Variants in LRIG3 observed in about 807,000 individuals in gnomAD.
LRIG3 encodes leucine-rich repeats and immunoglobulin-like domains protein 3.
In LRIG3, 76 loss-of-function variants were observed where a neutral mutation model predicts 114.5. That is an observed-to-expected ratio of 0.66 (90% confidence interval 0.55 to 0.80). The LOEUF is 0.80. Ranked by LOEUF, LRIG3 falls within the 30% of genes least tolerant of loss-of-function variation. LRIG3 has a pLI of 0.00. For missense variants in LRIG3, 1,239 were observed against 1,382.8 expected (o/e 0.90, Z 1.65); for synonymous variants, 512 against 519.8 (o/e 0.98, Z 0.20).
Position 58,920,443 on chromosome 12 carries a change from G to A in LRIG3, c.-208C>T, listed in dbSNP as rs777446593. ...AGCAGGAGGGAAACCGAAAAGAACT[G>A]CCAACTGCAACAGAGTTGCAGCTTG... is the stretch of plus-strand genomic sequence containing the variant. On this transcript the variant is annotated 5_prime_UTR_variant, in exon 1 of 19. Coordinates refer to ENST00000320743, the MANE Select transcript of LRIG3 (RefSeq NM_153377.5). 6 of 407,756 alleles carry A rather than the reference G, an allele frequency of 1.5e-5. No homozygotes were observed. The highest frequency in any genetic ancestry group is 2.6e-5 in the Non-Finnish European group (6 of 233,664). The allele number at this position is 407,756 out of a possible 1,614,324, so 25.3% of individuals were successfully genotyped here. A position where few individuals can be genotyped will look rare whatever the true frequency, so the allele number is the denominator to read the frequency against.
chr12:58,876,727 G>T, intron 15 of LRIG3, 124 bp from the exon 16 acceptor site: 8 of 945,734 alleles, frequency 8.5e-6, no homozygotes, highest in Non-Finnish European at 9.5e-6. Flanking sequence ...GATCTACTCT[G>T]GCAAAACCAT....
At chr12:58,895,439 G>A (rs530693421) in intron 3 of LRIG3, among the ~76,000 whole-genome samples, 5 of 152,284 alleles carry the variant, frequency 3.3e-5, no homozygotes, top group African/African-American at 4.8e-5. Flanking sequence ...GCTCTAAGCC[G>A]AGGCAAAGAT....
rs761549844 is a variant in LRIG3 at position 58,877,869 on chromosome 12, T to A, written c.2084-17A>T. On this transcript the variant is annotated splice_polypyrimidine_tract_variant and intron_variant, in intron 14 of 18. Transcript: ENST00000320743. ...ATGGTGTTTCTGAAATAACAAGTTA[T>A]GCTTTTAATTTCCCAAATAAAATTT... is the stretch of plus-strand genomic sequence containing the variant. 1 of 1,580,378 alleles carries A rather than the reference T, an allele frequency of 6.3e-7. No homozygotes were observed. Among genetic ancestry groups the A allele is most frequent in the Non-Finnish European group, 8.6e-7 (1 of 1,159,442 alleles).
chr12:58,903,908 C>G (rs1871965165), intron 3 of LRIG3, among the ~76,000 whole-genome samples: 3 of 151,918 alleles, frequency 2.0e-5, no homozygotes, highest in Admixed American at 1.3e-4. Flanking sequence ...GGGCTCTGTT[C>G]TGTTCCATTG....
rs1402227993 is a variant in LRIG3 at position 58,880,791 on chromosome 12, T to C, written c.1591A>G (p.Thr531Ala). ...TCATTGTCTTTTTTCCAAGCAAAAG[T>C]CATTGGGGAATCACTGCTGCTGGCA... ...SAASSSDSPM[T>A]FAWKKDNELL... The change falls in exon 13 of 19, where the codon ACT becomes GCT. Residue 531 changes from threonine (T) to alanine (A), a missense_variant. By Grantham distance (58) the Thr-to-Ala change is moderately conservative. Coordinates refer to ENST00000320743, the MANE Select transcript of LRIG3 (RefSeq NM_153377.5). 3.1e-6 allele frequency: 5 copies of C among 1,614,100 alleles called. No homozygotes were observed. The highest frequency in any genetic ancestry group is 4.2e-6 in the Non-Finnish European group (5 of 1,180,046).
Position 58,877,491 on chromosome 12 carries a change from C to G in LRIG3, c.2445G>C (p.Val815=), listed in dbSNP as rs749408201. 1.5e-5 allele frequency: 24 copies of G among 1,614,074 alleles called. No homozygotes were observed. In the African/African-American group the frequency reaches 2.3e-4, roughly 15 times the overall value. ...WATVGVVIIA[V]VCCVVGTSLV... is the part of the protein sequence containing the mutation. ...GTGACGTGCCCACCACACAGCAAAC[C>G]ACGGCTATGATCACGACACCCACAG... The change falls in exon 15 of 19, where the codon GTG becomes GTC. Residue 815 remains valine (V), a synonymous_variant. Coordinates refer to ENST00000320743, the MANE Select transcript of LRIG3 (RefSeq NM_153377.5).
At chr12:58,904,704 A>C (rs1270194597) in intron 3 of LRIG3, among the ~76,000 whole-genome samples, 4 of 152,206 alleles carry the variant, frequency 2.6e-5, no homozygotes, top group Non-Finnish European at 5.9e-5. Context: ...GGAACAGAAA[A>C]GTTACCCATA....
At chr12:58,903,739 T>C (rs1177290319) in intron 3 of LRIG3, among the ~76,000 whole-genome samples, 10 of 152,024 alleles carry the variant, frequency 6.6e-5, no homozygotes, top group Non-Finnish European at 2.9e-5. Flanking sequence ...AATTAATTTT[T>C]GTATAAGGTG....
rs1179398584 is a variant in LRIG3, at chr12:58,877,726, A to C, written c.2210T>G (p.Leu737Trp). ...AAAAAAGTGCCTCTCGGTTACCACC[A>C]ATGGGCTATCATCTTTGGTCCAGTT... ...KLNWTKDDSP[L>W]VVTERHFFAA... Residue 737 changes from leucine (L) to tryptophan (W), a missense_variant, in exon 15 of 19, where the codon TTG (leucine) becomes TGG (tryptophan). Physicochemically the swap from Leu to Trp is moderately conservative, Grantham distance 61 (BLOSUM62 -2). Transcript: ENST00000320743. 4 of 1,614,112 alleles carry C rather than the reference A, an allele frequency of 2.5e-6. No individual in the cohort carries two copies. Among genetic ancestry groups the C allele is most frequent in the African/African-American group, 1.3e-5 (1 of 74,946 alleles).
chr12:58,904,641 T>C (rs546205109), intron 3 of LRIG3, among the ~76,000 whole-genome samples: 2 of 152,216 alleles, frequency 1.3e-5, no homozygotes, highest in African/African-American at 4.8e-5. Context: ...AAATCTAAAA[T>C]TGTCATTACC....
Position 58,894,240 on chromosome 12 carries a change from G to A in LRIG3, c.384-3444C>T, listed in dbSNP as rs1037702889. 3.3e-5 allele frequency among the ~76,000 whole-genome samples: 5 copies of A among 152,304 alleles called. No individual in the cohort carries two copies. In the East Asian group the frequency reaches 9.6e-4, roughly 29 times the overall value. ...CAGTTCTAGACGGAGCGTGCACAGT[G>A]CTGTCTTTGTCAGCACTGCTTCCTA... On this transcript the variant is annotated intron_variant, in intron 3 of 18. Coordinates refer to ENST00000320743, the MANE Select transcript of LRIG3 (RefSeq NM_153377.5).
At chr12:58,890,344 AT>A (rs1213395039) in intron 4 of LRIG3, among the ~76,000 whole-genome samples, 1 of 152,186 alleles carries the variant, frequency 6.6e-6, no homozygotes, top group African/African-American at 2.4e-5. Context: ...CGGATGCAAA[AT>A]TTTTTTATAA....
intron 3 of LRIG3, among the ~76,000 whole-genome samples, chr12:58,893,474 T>A (rs1278026611): frequency 2.6e-5 from 4 of 152,158 alleles, no homozygotes; most frequent in Non-Finnish European, 4.4e-5. Flanking sequence ...TCTCATAAAG[T>A]CTTAGAGGCT....
At chr12:58,919,450 G>A (rs1215172023) in intron 1 of LRIG3, 1 of 1,551,616 alleles carries the variant, frequency 6.4e-7, no homozygotes, top group South Asian at 1.2e-5. Flanking sequence ...GAAAAAGCAA[G>A]CAGAGGGAGA....
intron 10 of LRIG3, among the ~76,000 whole-genome samples, chr12:58,884,679 C>T (rs1022468871): frequency 3.3e-5 from 5 of 152,156 alleles, no homozygotes; most frequent in African/African-American, 4.8e-5. Context: ...GGGTGGCTCA[C>T]GATCCAAGTC....
At position 58,880,834 on chromosome 12, in the gene LRIG3, C is replaced by A; in HGVS notation, c.1548G>T (p.Leu516Phe). ...ETQSAIKGSN[L>F]SFICSAASSS... ...TGCTGGCAGCTGAGCAGATGAAACT[C>A]AAATTGGAACCTTTTATTGCCGACT... Residue 516 changes from leucine to phenylalanine, a missense_variant, in exon 13 of 19, where the codon TTG (leucine) becomes TTT (phenylalanine). Coordinates refer to ENST00000320743, the MANE Select transcript of LRIG3 (RefSeq NM_153377.5). 6.2e-7 allele frequency: 1 copy of A among 1,614,118 alleles called. No individual in the cohort carries two copies. The highest frequency in any genetic ancestry group is 1.1e-5 in the South Asian group (1 of 91,070).
At chr12:58,873,903 G>T in intron 18 of LRIG3, 152 bp downstream of exon 18, 1 of 858,170 alleles carries the variant, frequency 1.2e-6, no homozygotes. Flanking sequence ...TTTGCTTTTG[G>T]AGGCATTTAC....
chr12:58,879,612 A>G (rs1189779619), intron 13 of LRIG3, among the ~76,000 whole-genome samples: 1 of 152,356 alleles, frequency 6.6e-6, no homozygotes, highest in Non-Finnish European at 1.5e-5. Context: ...TCATATTCAA[A>G]ATCTTCTACC....
Position 58,913,997 on chromosome 12 carries a change from A to G in LRIG3, c.368T>C (p.Ile123Thr). 6.2e-7 allele frequency: 1 copy of G among 1,612,606 alleles called. No homozygotes were observed. Among genetic ancestry groups the G allele is most frequent in the Non-Finnish European group, 8.5e-7 (1 of 1,179,650 alleles). The change falls in exon 3 of 19, where the codon ATT (isoleucine) becomes ACT (threonine). Residue 123 changes from isoleucine (I) to threonine (T), a missense_variant. By Grantham distance (89) the Ile-to-Thr change is moderately conservative. Transcript: ENST00000320743. ...IPNLGPVSANITLLSLAGNRI... is the reference protein window; with the variant it reads ...IPNLGPVSANTTLLSLAGNRI... ...ATTCACTTACAAGGAGAGAAGTGTAATATTTGCCGAGACTGGTCCCAGATT... is the reference window on the plus strand; with the variant it reads ...ATTCACTTACAAGGAGAGAAGTGTAGTATTTGCCGAGACTGGTCCCAGATT...
Sources: gnomAD v4.1 joint callset for allele counts (sites outside exome capture counted in the v4.1 genomes callset) on GRCh38, gnomAD v4.1.1 for gene constraint, MANE v1.5 for transcripts, NCBI Gene and HGNC (gene_info 2026-07-23, HGNC 2026-07-21) for gene names.